Variants in APP observed in about 807,000 individuals in gnomAD.
APP encodes the protein amyloid beta precursor protein.
Under a neutral mutation model 101.4 loss-of-function variants are expected in APP, and 31 were observed. The ratio of observed to expected loss-of-function variants is 0.31; its 90% CI spans 0.23 to 0.41. The LOEUF (loss-of-function observed/expected upper bound fraction) is 0.41, where lower values mean the gene tolerates loss of function less well. Among genes scored for constraint, APP ranks in the 10% least tolerant of loss-of-function variants. The pLI, the probability that APP is intolerant of heterozygous loss-of-function variation, is 1.00. For missense variants in APP, 839 were observed against 1,003.7 expected, an observed-to-expected ratio of 0.84 and a Z score of 2.22; for synonymous variants, 366 against 364.4, an observed-to-expected ratio of 1.00 and a Z score of -0.05.
intron 11 of APP, among the ~76,000 whole-genome samples, chr21:25,973,665 G>C (rs1482777093): frequency 6.6e-6 from 1 of 152,022 alleles, no homozygotes; most frequent in Non-Finnish European, 1.5e-5. Flanking sequence ...ACAAATGGCT[G>C]GGCATGGTGG....
intron 2 of APP, among the ~76,000 whole-genome samples, chr21:26,106,588 C>T (rs188818541): frequency 1.1e-4 from 16 of 151,640 alleles, no homozygotes; most frequent in African/African-American, 3.9e-4. Context: ...TGGGCCCAAG[C>T]GATCCTCTCA....
chr21:26,011,475 G>T (rs1416314651), intron 6 of APP, among the ~76,000 whole-genome samples: 1 of 152,094 alleles, frequency 6.6e-6, no homozygotes, highest in Non-Finnish European at 1.5e-5. Flanking sequence ...CCTCCCAGGG[G>T]ACATTTTTGA....
chr21:26,148,381 C>CCGAA (rs1244131057), intron 1 of APP, among the ~76,000 whole-genome samples: 7 of 152,238 alleles, frequency 4.6e-5, no homozygotes, highest in African/African-American at 1.7e-4. Flanking sequence ...GAGCTGTGTC[C>CCGAA]CGAACCAACA....
At chr21:26,168,219 CG>C (rs1216822632) in intron 1 of APP, among the ~76,000 whole-genome samples, 1 of 152,132 alleles carries the variant, frequency 6.6e-6, no homozygotes, top group African/African-American at 2.4e-5. Flanking sequence ...ATGTTTCCCC[CG>C]ATAGCCAAGG....
intron 16 of APP, among the ~76,000 whole-genome samples, chr21:25,892,476 GC>G (rs2037763479): frequency 6.6e-6 from 1 of 152,094 alleles, no homozygotes; most frequent in South Asian, 2.1e-4. Flanking sequence ...CCTACTTTTA[GC>G]TATAGTAATT....
intron 7 of APP, 81 bp downstream of exon 7, chr21:25,999,934 G>T: frequency 6.6e-7 from 1 of 1,510,208 alleles, no homozygotes; most frequent in Non-Finnish European, 9.1e-7. Context: ...CCAAGAACCA[G>T]GAAAATCAAT....
intron 11 of APP, among the ~76,000 whole-genome samples, chr21:25,960,764 T>C (rs1227852057): frequency 3.3e-5 from 5 of 152,186 alleles, no homozygotes; most frequent in South Asian, 2.1e-4. Flanking sequence ...CTAATGCCTA[T>C]TGGATAAGCA....
chr21:26,168,217 C>T (rs2063659509), intron 1 of APP, among the ~76,000 whole-genome samples: 1 of 152,130 alleles, frequency 6.6e-6, no homozygotes, highest in Non-Finnish European at 1.5e-5. Context: ...CCATGTTTCC[C>T]CCGATAGCCA....
chr21:25,911,274 A>G (rs2039056518), intron 14 of APP, among the ~76,000 whole-genome samples: 1 of 152,240 alleles, frequency 6.6e-6, no homozygotes, highest in Non-Finnish European at 1.5e-5. Context: ...AAAAATTAGA[A>G]GAATGTTATT....
chr21:26,023,187 C>G (rs1210615957), intron 5 of APP, among the ~76,000 whole-genome samples: 1 of 152,218 alleles, frequency 6.6e-6, no homozygotes, highest in East Asian at 1.9e-4. Context: ...TTCAGTGGTT[C>G]TCAAATTTCA....
chr21:25,947,755 C>A (rs563050364), intron 13 of APP, among the ~76,000 whole-genome samples: 16 of 152,190 alleles, frequency 1.1e-4, no homozygotes, highest in African/African-American at 3.6e-4. Flanking sequence ...GTATTCCCAG[C>A]ATTTTGGGGG....
Position 26,092,843 on chromosome 21 carries a change from T to TA in APP, c.226-2772dup, listed in dbSNP as rs201811519. Among the ~76,000 whole-genome samples, 1,146 of 152,214 alleles carry TA rather than the reference T, an allele frequency of 7.5e-3. 15 individuals are homozygous for TA. The highest frequency in any genetic ancestry group is 0.025 in the African/African-American group (1,054 of 41,538). Reference sequence around the variant, plus strand: ...CTTTTCTGTGAATCTAAAACTGCTCTAAAAAACCGTCTATTTTAAAAACAA... The same window carrying TA: ...CTTTTCTGTGAATCTAAAACTGCTCTAAAAAAACCGTCTATTTTAAAAACAA... On this transcript the variant is annotated intron_variant, in intron 2 of 17. Coordinates refer to ENST00000346798, the MANE Select transcript of APP (RefSeq NM_000484.4).
chr21:26,089,369 T>C (rs533884576), intron 3 of APP: 24 of 152,038 alleles, frequency 1.6e-4, no homozygotes, highest in African/African-American at 5.6e-4. Context: ...AAATTTGAGG[T>C]TTGTGACAAA....
chr21:26,056,264 C>T (rs756413057), intron 3 of APP, among the ~76,000 whole-genome samples: 11 of 152,148 alleles, frequency 7.2e-5, no homozygotes, highest in Non-Finnish European at 1.3e-4. Context: ...TCTCGAACTC[C>T]TAGGCTCAAG....
chr21:25,999,011 C>T (rs576737283), intron 7 of APP, among the ~76,000 whole-genome samples: 15 of 152,278 alleles, frequency 9.9e-5, no homozygotes, highest in African/African-American at 2.2e-4. Context: ...TATGTTCTGG[C>T]GGGGTGCAGT....
chr21:26,004,225 T>C (rs1233286174), intron 6 of APP, among the ~76,000 whole-genome samples: 2 of 152,048 alleles, frequency 1.3e-5, no homozygotes. Flanking sequence ...AATTTAATAG[T>C]TGTGATACTG....
intron 1 of APP, among the ~76,000 whole-genome samples, chr21:26,147,381 T>A (rs779993119): frequency 6.6e-6 from 1 of 152,222 alleles, no homozygotes; most frequent in Non-Finnish European, 1.5e-5. Context: ...AATATTTAGC[T>A]ACTGTGGAAG....
At chr21:26,023,052 C>G (rs1377344863) in intron 5 of APP, among the ~76,000 whole-genome samples, 1 of 151,686 alleles carries the variant, frequency 6.6e-6, no homozygotes, top group African/African-American at 2.4e-5. Context: ...GGAACTCACA[C>G]AGGTGGAAGA....
intron 15 of APP, among the ~76,000 whole-genome samples, chr21:25,898,850 C>G (rs2038252969): frequency 6.6e-6 from 1 of 152,198 alleles, no homozygotes; most frequent in African/African-American, 2.4e-5. Context: ...ACTTCCTGCT[C>G]TTGGCCTAAT....
Sources: gnomAD v4.1 joint callset for allele counts (sites outside exome capture counted in the v4.1 genomes callset) on GRCh38, gnomAD v4.1.1 for gene constraint, MANE v1.5 for transcripts, NCBI Gene and HGNC (gene_info 2026-07-23, HGNC 2026-07-21) for gene names.